Variants in ERH observed in about 807,000 individuals in gnomAD.
The protein encoded by ERH is enhancer of rudimentary homolog.
In ERH, 1 loss-of-function variant was observed where a neutral mutation model predicts 16.8. The observed-to-expected ratio is 0.06, with a 90% CI of 0.02 to 0.28. The LOEUF (loss-of-function observed/expected upper bound fraction) is 0.28. Ranked by LOEUF, ERH falls within the 10% of genes least tolerant of loss-of-function variation. The pLI is 1.00. For synonymous variants in ERH, 43 were observed against 43.6 expected (o/e 0.99, Z 0.05); for missense variants, 42 against 127.5 (o/e 0.33, Z 3.23).
rs900175631 is a variant in ERH, at chr14:69,380,344, AAGAG to A, written c.*190_*193del. 2 of 424,198 alleles carry A rather than the reference AAGAG, an allele frequency of 4.7e-6. No individual in the cohort carries two copies. Among genetic ancestry groups the A allele is most frequent in the East Asian group, 6.9e-5 (2 of 29,048 alleles). 26.3% of individuals were successfully genotyped at this position (424,198 alleles called of 1,614,324 possible). A position where few individuals can be genotyped will look rare whatever the true frequency, so the allele number is the denominator to read the frequency against. ...ATGTTTAAGTAAAAAAAAAAAAAGA[AAGAG>A]AAAGAAAAAGAGGAGGTAACGGGGG... is the stretch of plus-strand genomic sequence containing the variant. On this transcript the variant is annotated 3_prime_UTR_variant, in exon 4 of 4. Coordinates refer to ENST00000557016, the MANE Select transcript of ERH (RefSeq NM_004450.3).
chr14:69,396,318 A>AAGGCGCGATCTC (rs1219855904), intron 1 of ERH, among the ~76,000 whole-genome samples: 2 of 152,228 alleles, frequency 1.3e-5, no homozygotes, highest in African/African-American at 4.8e-5. Context: ...CTGGAGCGCA[A>AAGGCGCGATCTC]AGGCGCGATC....
At chr14:69,384,935 CAGATCCCT>C (rs1167683678) in intron 3 of ERH, among the ~76,000 whole-genome samples, 3 of 152,256 alleles carry the variant, frequency 2.0e-5, no homozygotes, top group African/African-American at 4.8e-5. Context: ...CTCTCTTGGC[CAGATCCCT>C]AGACCTTGTC....
At chr14:69,380,971 T>C (rs966713980) in intron 3 of ERH, among the ~76,000 whole-genome samples, 5 of 152,220 alleles carry the variant, frequency 3.3e-5, no homozygotes, top group Non-Finnish European at 5.9e-5. Context: ...ATGGTTCCTT[T>C]AGTGATTAAA....
At chr14:69,383,662 T>G (rs1387291285) in intron 3 of ERH, among the ~76,000 whole-genome samples, 1 of 152,170 alleles carries the variant, frequency 6.6e-6, no homozygotes, top group East Asian at 1.9e-4. Flanking sequence ...TAATTTACGG[T>G]TTTTAACACT....
At chr14:69,396,939 C>G (rs902227621) in intron 1 of ERH, among the ~76,000 whole-genome samples, 1 of 152,204 alleles carries the variant, frequency 6.6e-6, no homozygotes, top group Non-Finnish European at 1.5e-5. Context: ...GTAGAAACCA[C>G]GTGCATTCTT....
intron 3 of ERH, among the ~76,000 whole-genome samples, chr14:69,381,698 C>CA (rs1246026745): frequency 1.3e-5 from 2 of 151,922 alleles, no homozygotes; most frequent in East Asian, 3.9e-4. Flanking sequence ...CCGACCCCTG[C>CA]TTTTTTTTGA....
chr14:69,394,286 T>C (rs984202605), intron 2 of ERH, among the ~76,000 whole-genome samples: 6 of 151,620 alleles, frequency 4.0e-5, no homozygotes, highest in African/African-American at 1.5e-4. Flanking sequence ...ATACATTAGT[T>C]TAAAAAAAAA....
At chr14:69,398,116 C>G in intron 1 of ERH, 115 bp downstream of exon 1, 1 of 1,208,838 alleles carries the variant, frequency 8.3e-7, no homozygotes, top group South Asian at 1.5e-5. Flanking sequence ...ACTAGAGTGG[C>G]GGGGAGCATC....
intron 3 of ERH, among the ~76,000 whole-genome samples, chr14:69,381,352 A>G (rs1442426062): frequency 6.6e-6 from 1 of 152,256 alleles, no homozygotes; most frequent in African/African-American, 2.4e-5. Flanking sequence ...AAAAACATGT[A>G]CTGGCAACAA....
chr14:69,393,578 T>C (rs1369735858), intron 2 of ERH, among the ~76,000 whole-genome samples: 1 of 152,222 alleles, frequency 6.6e-6, no homozygotes, highest in Non-Finnish European at 1.5e-5. Flanking sequence ...AAACATTTAA[T>C]GTTCTCATTT....
At chr14:69,394,990 TA>T (rs1882301542) in intron 1 of ERH, 78 bp from the exon 2 acceptor site, 6 of 967,076 alleles carry the variant, frequency 6.2e-6, no homozygotes, top group Admixed American at 4.3e-5. Context: ...TCCCCATTTG[TA>T]ATGCAATAAT....
intron 2 of ERH, among the ~76,000 whole-genome samples, chr14:69,392,747 T>G (rs560709015): frequency 6.6e-6 from 1 of 152,288 alleles, no homozygotes; most frequent in South Asian, 2.1e-4. Flanking sequence ...ACCACACCAG[T>G]GAAATTCATT....
intron 3 of ERH, among the ~76,000 whole-genome samples, chr14:69,384,992 A>G (rs1307309438): frequency 2.0e-5 from 3 of 152,116 alleles, no homozygotes; most frequent in Non-Finnish European, 4.4e-5. Context: ...CAAGCATGTC[A>G]TTCTCTGATC....
chr14:69,383,434 A>T (rs948980874), intron 3 of ERH, among the ~76,000 whole-genome samples: 1 of 152,270 alleles, frequency 6.6e-6, no homozygotes, highest in African/African-American at 2.4e-5. Flanking sequence ...TGGTCTGAGG[A>T]GTAACGGCCC....
At chr14:69,395,000 A>G (rs1158601074) in intron 1 of ERH, 88 bp from the exon 2 acceptor site, 1 of 893,174 alleles carries the variant, frequency 1.1e-6, no homozygotes, top group African/African-American at 1.7e-5. Flanking sequence ...TAATGCAATA[A>G]TGATTGCTAG....
chr14:69,386,467 G>C (rs2045893899), intron 3 of ERH, among the ~76,000 whole-genome samples: 1 of 152,146 alleles, frequency 6.6e-6, no homozygotes, highest in South Asian at 2.1e-4. Context: ...CTCCTTGTTA[G>C]TAATTGTCAG....
intron 2 of ERH, among the ~76,000 whole-genome samples, chr14:69,393,948 G>A (rs1192419380): frequency 6.6e-6 from 1 of 151,538 alleles, no homozygotes; most frequent in African/African-American, 2.4e-5. Flanking sequence ...TTGAGCCCAG[G>A]AAACTGAGAC....
At chr14:69,394,792 A>C (rs1386186384) in intron 2 of ERH, 33 bp downstream of exon 2, 2 of 1,532,396 alleles carry the variant, frequency 1.3e-6, no homozygotes, top group African/African-American at 1.4e-5. Context: ...TAAATGAGAC[A>C]TTTTTCTACC....
At chr14:69,384,829 C>T (rs966557636) in intron 3 of ERH, among the ~76,000 whole-genome samples, 2 of 152,194 alleles carry the variant, frequency 1.3e-5, no homozygotes, top group Admixed American at 6.5e-5. Flanking sequence ...TTAATATACA[C>T]ATTATTGGTA....
Sources: allele counts gnomAD v4.1 joint callset (sites outside exome capture counted in the v4.1 genomes callset), GRCh38; gene constraint gnomAD v4.1.1; transcripts MANE v1.5; gene names NCBI Gene and HGNC (gene_info 2026-07-23, HGNC 2026-07-21).